RUNDC3B: variants seen among roughly 807,000 people sequenced by gnomAD.
The protein encoded by RUNDC3B is RUN domain-containing protein 3B.
RUNDC3B carries 33 observed loss-of-function variants against 58.4 expected under a neutral mutation model. That is an observed-to-expected ratio of 0.56 (90% CI 0.43 to 0.75). RUNDC3B has a LOEUF of 0.75. Ranked by LOEUF, RUNDC3B falls within the 30% of genes least tolerant of loss-of-function variation. The pLI, the probability that RUNDC3B is intolerant of heterozygous loss-of-function variation, is 0.00. For missense variants in RUNDC3B, 501 were observed against 535.7 expected (o/e 0.94, Z 0.64); for synonymous variants, 193 against 195.2 (o/e 0.99, Z 0.10).
chr7:87,734,477 C>T (rs1223852972), intron 4 of RUNDC3B, among the ~76,000 whole-genome samples: 1 of 152,130 alleles, frequency 6.6e-6, no homozygotes, highest in South Asian at 2.1e-4. Context: ...TCTCCTCATC[C>T]TCAATCTCTT....
chr7:87,722,095 A>T (rs1028553505), intron 4 of RUNDC3B, among the ~76,000 whole-genome samples: 9 of 151,676 alleles, frequency 5.9e-5, no homozygotes, highest in African/African-American at 1.7e-4. Context: ...TTTTTTTTTT[A>T]AATTACTTGA....
intron 2 of RUNDC3B, among the ~76,000 whole-genome samples, chr7:87,655,194 A>G (rs1823974762): frequency 6.6e-6 from 1 of 152,162 alleles, no homozygotes; most frequent in African/African-American, 2.4e-5. Flanking sequence ...TAGAACCTCC[A>G]TGTAAACCAG....
intron 9 of RUNDC3B, among the ~76,000 whole-genome samples, chr7:87,811,771 G>A (rs1192087311): frequency 6.6e-6 from 1 of 152,010 alleles, no homozygotes; most frequent in African/African-American, 2.4e-5. Flanking sequence ...TTGTAAACTG[G>A]GCATTGACAT....
chr7:87,707,400 C>T (rs1829699294), intron 3 of RUNDC3B, among the ~76,000 whole-genome samples: 1 of 151,990 alleles, frequency 6.6e-6, no homozygotes, highest in African/African-American at 2.4e-5. Context: ...AATTCAAAGG[C>T]CGGGTGTGAT....
At chr7:87,673,098 C>T (rs1415576280) in intron 2 of RUNDC3B, among the ~76,000 whole-genome samples, 2 of 152,194 alleles carry the variant, frequency 1.3e-5, no homozygotes, top group Admixed American at 6.5e-5. Context: ...TTTGCCTGAT[C>T]GGGTTCCCTT....
chr7:87,662,623 T>G (rs1161892019), intron 2 of RUNDC3B, among the ~76,000 whole-genome samples: 1 of 152,162 alleles, frequency 6.6e-6, no homozygotes, highest in African/African-American at 2.4e-5. Context: ...TATCTCTTTT[T>G]ATGCCAGTAC....
chr7:87,759,017 A>G (rs1375599211), intron 6 of RUNDC3B, among the ~76,000 whole-genome samples: 4 of 152,196 alleles, frequency 2.6e-5, no homozygotes, highest in Non-Finnish European at 4.4e-5. Context: ...AGTATATGAA[A>G]GAGATGTCTG....
chr7:87,774,629 A>T (rs1175725710), intron 7 of RUNDC3B, among the ~76,000 whole-genome samples: 1 of 152,208 alleles, frequency 6.6e-6, no homozygotes. Context: ...TTTTATAAAT[A>T]CTACTTATCA....
intron 6 of RUNDC3B, among the ~76,000 whole-genome samples, chr7:87,765,241 A>G (rs1833913603): frequency 6.6e-6 from 1 of 151,126 alleles, no homozygotes; most frequent in African/African-American, 2.4e-5. Context: ...CTTTCAAAAA[A>G]CCAACTTTTC....
chr7:87,639,729 T>C (rs1822234847), intron 1 of RUNDC3B, among the ~76,000 whole-genome samples: 1 of 152,148 alleles, frequency 6.6e-6, no homozygotes, highest in African/African-American at 2.4e-5. Context: ...CTAATGTTAA[T>C]ATGATGTCTC....
intron 2 of RUNDC3B, among the ~76,000 whole-genome samples, chr7:87,682,793 G>A (rs1827055655): frequency 6.6e-6 from 1 of 152,154 alleles, no homozygotes; most frequent in Non-Finnish European, 1.5e-5. Context: ...AATAAGCATT[G>A]GCTTCAACTT....
chr7:87,698,758 TA>T (rs1828738740), intron 2 of RUNDC3B, among the ~76,000 whole-genome samples: 1 of 152,190 alleles, frequency 6.6e-6, no homozygotes, highest in South Asian at 2.1e-4. Context: ...TCTTACCGCC[TA>T]ATATGTGAAA....
chr7:87,776,054 A>G (rs1834603192), intron 7 of RUNDC3B, among the ~76,000 whole-genome samples: 1 of 152,218 alleles, frequency 6.6e-6, no homozygotes, highest in Non-Finnish European at 1.5e-5. Context: ...CTCTTATACT[A>G]ACATAAGATC....
intron 10 of RUNDC3B, among the ~76,000 whole-genome samples, chr7:87,817,012 T>G (rs1837080854): frequency 6.6e-6 from 1 of 152,214 alleles, no homozygotes; most frequent in South Asian, 2.1e-4. Flanking sequence ...TATCTTTCTT[T>G]CTTTCCTCCC....
intron 1 of RUNDC3B, among the ~76,000 whole-genome samples, chr7:87,638,698 T>C (rs553414710): frequency 6.8e-4 from 104 of 152,260 alleles, no homozygotes; most frequent in African/African-American, 2.4e-3. Flanking sequence ...CCCATTTTTC[T>C]TTCCTGATAT....
intron 4 of RUNDC3B, among the ~76,000 whole-genome samples, chr7:87,730,312 C>A (rs542125571): frequency 1.3e-5 from 2 of 151,930 alleles, no homozygotes; most frequent in Non-Finnish European, 2.9e-5. Flanking sequence ...GGCTCTTGGA[C>A]AGCATTTCTG....
intron 4 of RUNDC3B, among the ~76,000 whole-genome samples, chr7:87,724,183 A>G (rs1333403565): frequency 6.6e-6 from 1 of 152,130 alleles, no homozygotes; most frequent in Non-Finnish European, 1.5e-5. Flanking sequence ...TGATCACACC[A>G]TTTTACTCCA....
At chr7:87,789,145 C>A (rs1835392958) in intron 8 of RUNDC3B, among the ~76,000 whole-genome samples, 1 of 152,116 alleles carries the variant, frequency 6.6e-6, no homozygotes, top group African/African-American at 2.4e-5. Context: ...GAATAAATAG[C>A]CACGGAACAG....
At chr7:87,703,489 A>G (rs952806977) in intron 3 of RUNDC3B, among the ~76,000 whole-genome samples, 1 of 152,162 alleles carries the variant, frequency 6.6e-6, no homozygotes, top group Non-Finnish European at 1.5e-5. Flanking sequence ...CTATAACTAT[A>G]AAGTTCACTT....
Sources: allele counts gnomAD v4.1 joint callset (sites outside exome capture counted in the v4.1 genomes callset), GRCh38; gene constraint gnomAD v4.1.1; transcripts MANE v1.5; gene names NCBI Gene and HGNC (gene_info 2026-07-23, HGNC 2026-07-21).